Variants in BABAM2 observed in about 807,000 individuals in gnomAD.
BABAM2 encodes the protein BRISC and BRCA1-A complex member 2.
BABAM2 carries 31 observed loss-of-function variants against 54.7 expected under a neutral mutation model. The observed-to-expected ratio is 0.57, with a 90% confidence interval of 0.43 to 0.77. The LOEUF is 0.77. Ranked by LOEUF, BABAM2 falls within the 30% of genes least tolerant of loss-of-function variation. The pLI is 0.00. For synonymous variants in BABAM2, 167 were observed against 162.9 expected (o/e 1.03, Z -0.19); for missense variants, 364 against 455.8 (o/e 0.80, Z 1.83).
chr2:27,979,408 G>C (rs554031958), intron 3 of BABAM2, among the ~76,000 whole-genome samples: 2 of 151,900 alleles, frequency 1.3e-5, no homozygotes, highest in South Asian at 4.2e-4. Context: ...ATTGTGAATA[G>C]TGCTGCAATG....
chr2:28,124,335 G>C (rs778597082), intron 6 of BABAM2, among the ~76,000 whole-genome samples: 23 of 152,066 alleles, frequency 1.5e-4, no homozygotes, highest in Non-Finnish European at 2.8e-4. Flanking sequence ...GTTTCTGTTC[G>C]TTGCAGACCC....
intron 6 of BABAM2, among the ~76,000 whole-genome samples, chr2:28,121,405 T>C (rs1669056114): frequency 6.6e-6 from 1 of 152,256 alleles, no homozygotes; most frequent in South Asian, 2.1e-4. Context: ...GTGTTACTTA[T>C]GTCACTTTCC....
At chr2:28,042,073 G>T (rs1205601564) in intron 5 of BABAM2, among the ~76,000 whole-genome samples, 1 of 152,114 alleles carries the variant, frequency 6.6e-6, no homozygotes, top group Non-Finnish European at 1.5e-5. Context: ...AGATTTTGCC[G>T]CCACTTTGAA....
chr2:28,074,668 A>T (rs569489141), intron 6 of BABAM2, among the ~76,000 whole-genome samples: 213 of 152,044 alleles, frequency 1.4e-3, no homozygotes, highest in African/African-American at 5.0e-3. Context: ...GGACTTTCTC[A>T]CTATCTTTTT....
intron 7 of BABAM2, among the ~76,000 whole-genome samples, chr2:28,130,715 A>G (rs984484959): frequency 4.0e-5 from 6 of 150,706 alleles, no homozygotes; most frequent in African/African-American, 1.5e-4. Context: ...CGGCCTCCCA[A>G]AGAATGTTTC....
At chr2:28,262,365 C>G in intron 10 of BABAM2, among the ~76,000 whole-genome samples, 1 of 152,150 alleles carries the variant, frequency 6.6e-6, no homozygotes, top group East Asian at 1.9e-4. Context: ...TAAGAATACA[C>G]TTTTCAGGTA....
intron 7 of BABAM2, among the ~76,000 whole-genome samples, chr2:28,169,792 A>G (rs1674117494): frequency 6.7e-6 from 1 of 148,606 alleles, no homozygotes; most frequent in Non-Finnish European, 1.5e-5. Context: ...AAAAAAAAAA[A>G]TCCAGTAATA....
intron 7 of BABAM2, among the ~76,000 whole-genome samples, chr2:28,177,113 C>A (rs149258507): frequency 0.01 from 1,571 of 152,042 alleles, 29 homozygotes; most frequent in African/African-American, 0.036. Flanking sequence ...ACGTGATAGT[C>A]AAACTATCAA....
chr2:28,063,386 A>G (rs1337708047), intron 6 of BABAM2, among the ~76,000 whole-genome samples: 1 of 152,276 alleles, frequency 6.6e-6, no homozygotes, highest in African/African-American at 2.4e-5. Context: ...GTTTTACTTA[A>G]CGCATTATAC....
At chr2:28,171,749 G>A (rs921536396) in intron 7 of BABAM2, among the ~76,000 whole-genome samples, 8 of 152,062 alleles carry the variant, frequency 5.3e-5, no homozygotes, top group African/African-American at 1.7e-4. Flanking sequence ...AATAAATTAT[G>A]TCATGGATAT....
At chr2:28,187,698 C>T (rs543705952) in intron 7 of BABAM2, among the ~76,000 whole-genome samples, 2 of 118,418 alleles carry the variant, frequency 1.7e-5, no homozygotes, top group African/African-American at 3.2e-5. Flanking sequence ...GACGGAGTCT[C>T]TCTCCTGTGG....
At chr2:28,070,248 A>G (rs924385200) in intron 6 of BABAM2, among the ~76,000 whole-genome samples, 3 of 152,196 alleles carry the variant, frequency 2.0e-5, no homozygotes, top group Admixed American at 1.3e-4. Flanking sequence ...AATTTGCACA[A>G]CAGCTTTCTA....
chr2:28,000,393 T>C (rs1673495287), intron 4 of BABAM2, among the ~76,000 whole-genome samples: 1 of 152,150 alleles, frequency 6.6e-6, no homozygotes, highest in Non-Finnish European at 1.5e-5. Flanking sequence ...GTTTAGGCTA[T>C]GGTTATGGGC....
At position 28,172,087 on chromosome 2, in the gene BABAM2, ATGTG is replaced by A. The variant is rs10612484; in HGVS notation, c.680+42732_680+42735del. Among the ~76,000 whole-genome samples, 299 of 149,838 alleles carry A rather than the reference ATGTG, an allele frequency of 2.0e-3. 1 individual carries two copies. Among genetic ancestry groups the A allele is most frequent in the South Asian group, 2.9e-3 (14 of 4,750 alleles). On this transcript the variant is annotated intron_variant, in intron 7 of 11. Transcript: ENST00000379624. ...TGTGTTTTGTTTTGTTTTGTTTGAA[ATGTG>A]TGTGTGTGTGTGTGTGTGTGTGTGG...
At chr2:28,136,362 T>A (rs922970247) in intron 7 of BABAM2, among the ~76,000 whole-genome samples, 12 of 152,252 alleles carry the variant, frequency 7.9e-5, no homozygotes, top group Non-Finnish European at 1.8e-4. Flanking sequence ...CTAAACTCTT[T>A]AAGGCCTGGG....
chr2:28,129,246 G>A (rs1159034072), intron 6 of BABAM2, 25 bp from the exon 7 acceptor site: 2 of 1,578,270 alleles, frequency 1.3e-6, no homozygotes, highest in South Asian at 2.2e-5. Flanking sequence ...AGGTGCTGAT[G>A]TTGTGTTTTC....
chr2:28,255,527 G>C (rs1683895868), intron 10 of BABAM2, among the ~76,000 whole-genome samples: 2 of 151,872 alleles, frequency 1.3e-5, no homozygotes, highest in South Asian at 4.2e-4. Context: ...CACCCACCTT[G>C]GCCTGCCAAA....
At chr2:27,994,561 A>C (rs1673001976) in intron 4 of BABAM2, among the ~76,000 whole-genome samples, 1 of 152,250 alleles carries the variant, frequency 6.6e-6, no homozygotes, top group Non-Finnish European at 1.5e-5. Flanking sequence ...CGTACAAATG[A>C]AATCAAACTA....
chr2:28,024,140 C>T (rs1383413147), intron 4 of BABAM2, among the ~76,000 whole-genome samples: 1 of 152,158 alleles, frequency 6.6e-6, no homozygotes, highest in Non-Finnish European at 1.5e-5. Flanking sequence ...CACGGTGGCT[C>T]ACGCCTCTAA....
Sources: gnomAD v4.1 joint callset for allele counts (sites outside exome capture counted in the v4.1 genomes callset) on GRCh38, gnomAD v4.1.1 for gene constraint, MANE v1.5 for transcripts, NCBI Gene and HGNC (gene_info 2026-07-23, HGNC 2026-07-21) for gene names.